CHODL: variants seen among roughly 807,000 people sequenced by gnomAD.
The protein encoded by CHODL is transmembrane protein MT75.
A neutral mutation model predicts 34.5 loss-of-function variants in CHODL; 29 were observed. That is an observed-to-expected ratio of 0.84 (90% CI 0.63 to 1.15). The LOEUF (loss-of-function observed/expected upper bound fraction) is 1.15. Among genes scored for constraint, CHODL ranks in the 50% most tolerant of loss-of-function variants. The pLI, the probability that CHODL is intolerant of heterozygous loss-of-function variation, is 0.00. For missense variants in CHODL, 332 were observed against 332.5 expected, an observed-to-expected ratio of 1.00 and a Z score of 0.01; for synonymous variants, 125 against 116.1, an observed-to-expected ratio of 1.08 and a Z score of -0.49.
intron 2 of CHODL, among the ~76,000 whole-genome samples, chr21:18,115,334 T>G (rs553120190): frequency 2.0e-5 from 3 of 152,306 alleles, no homozygotes; most frequent in African/African-American, 7.2e-5. Flanking sequence ...GCTGCTTATT[T>G]TTGCAATGTT....
intron 1 of CHODL, among the ~76,000 whole-genome samples, chr21:17,957,160 C>A (rs1214346603): frequency 6.6e-6 from 1 of 152,152 alleles, no homozygotes; most frequent in African/African-American, 2.4e-5. Flanking sequence ...TCTAATCAAT[C>A]ATTATGCTTT....
At chr21:18,038,169 A>G (rs1277189878) in intron 2 of CHODL, among the ~76,000 whole-genome samples, 9 of 151,718 alleles carry the variant, frequency 5.9e-5, no homozygotes, top group Admixed American at 5.3e-4. Context: ...TAAATGTCAT[A>G]ATGAAATGAC....
chr21:18,225,795 A>G (rs1429008853), intron 2 of CHODL, among the ~76,000 whole-genome samples: 1 of 152,152 alleles, frequency 6.6e-6, no homozygotes, highest in Non-Finnish European at 1.5e-5. Flanking sequence ...GGAACAAGGT[A>G]GAAACCAGAC....
chr21:17,983,217 A>G (rs1261592516), intron 1 of CHODL, among the ~76,000 whole-genome samples: 2 of 152,196 alleles, frequency 1.3e-5, no homozygotes, highest in Non-Finnish European at 2.9e-5. Flanking sequence ...TAAAATCAAT[A>G]TTAAATTTAG....
intron 2 of CHODL, among the ~76,000 whole-genome samples, chr21:18,220,635 C>G (rs1157852057): frequency 2.0e-5 from 3 of 151,436 alleles, no homozygotes; most frequent in Non-Finnish European, 4.4e-5. Flanking sequence ...TCATGGAAAA[C>G]TTTATTTCTC....
At chr21:17,935,883 G>A (rs2063315047) in intron 1 of CHODL, among the ~76,000 whole-genome samples, 1 of 152,162 alleles carries the variant, frequency 6.6e-6, no homozygotes, top group Admixed American at 6.6e-5. Context: ...AGACAGGAGT[G>A]CATACACTAT....
intron 2 of CHODL, among the ~76,000 whole-genome samples, chr21:18,081,741 G>A (rs2064945021): frequency 6.6e-6 from 1 of 151,510 alleles, no homozygotes; most frequent in Non-Finnish European, 1.5e-5. Context: ...CCAGTTCTTA[G>A]AGGGAATGCT....
At chr21:18,144,089 T>G (rs1161254615) in intron 2 of CHODL, among the ~76,000 whole-genome samples, 1 of 152,094 alleles carries the variant, frequency 6.6e-6, no homozygotes, top group Non-Finnish European at 1.5e-5. Flanking sequence ...ATTTCTTGTA[T>G]TCGGTCAATA....
chr21:18,164,946 A>G (rs1252916781), intron 2 of CHODL, among the ~76,000 whole-genome samples: 4 of 152,144 alleles, frequency 2.6e-5, no homozygotes, highest in African/African-American at 7.2e-5. Context: ...CCTCTGATAT[A>G]TATCTTGAAT....
chr21:18,045,616 A>C (rs1032347908), intron 2 of CHODL, among the ~76,000 whole-genome samples: 3 of 151,934 alleles, frequency 2.0e-5, no homozygotes, highest in South Asian at 2.1e-4. Flanking sequence ...GAGAGAATAC[A>C]TTTTTGATGT....
At chr21:18,049,121 A>T (rs1451200506) in intron 2 of CHODL, among the ~76,000 whole-genome samples, 1 of 151,680 alleles carries the variant, frequency 6.6e-6, no homozygotes, top group Non-Finnish European at 1.5e-5. Context: ...ATATAAACAG[A>T]CACAGTGTTT....
At chr21:18,245,675 G>A (rs1440851105) in intron 1 of CHODL, among the ~76,000 whole-genome samples, 1 of 152,122 alleles carries the variant, frequency 6.6e-6, no homozygotes, top group Non-Finnish European at 1.5e-5. Flanking sequence ...CCCAGAGACA[G>A]AAGAGCCACC....
At chr21:18,197,000 A>G (rs1401591928) in intron 2 of CHODL, among the ~76,000 whole-genome samples, 1 of 152,174 alleles carries the variant, frequency 6.6e-6, no homozygotes, top group Non-Finnish European at 1.5e-5. Context: ...ACACACAAGC[A>G]CACACACAAA....
chr21:17,967,288 C>T lies in CHODL; in HGVS notation c.-145+49888C>T, dbSNP rs576062825. Among the ~76,000 whole-genome samples, 3 of 152,242 alleles carry T rather than the reference C, an allele frequency of 2.0e-5. No homozygotes were observed. In the South Asian group the frequency reaches 6.2e-4, roughly 32 times the overall value. ...TATGTCAAAAAATTGGACTTGGACA[C>T]TACTAGTATGCTACACTTGTTGATG... On this transcript the variant is annotated intron_variant, in intron 1 of 6. Coordinates refer to the CHODL transcript ENST00000400127.
intron 1 of CHODL, among the ~76,000 whole-genome samples, chr21:18,020,469 C>A (rs1202715813): frequency 1.3e-5 from 2 of 152,130 alleles, no homozygotes; most frequent in East Asian, 3.9e-4. Flanking sequence ...TAATTGCTAT[C>A]CATCATTTAC....
At chr21:17,936,478 A>G (rs1010371423) in intron 1 of CHODL, among the ~76,000 whole-genome samples, 2 of 151,356 alleles carry the variant, frequency 1.3e-5, no homozygotes, top group African/African-American at 2.4e-5. Context: ...AAAAAAAAAA[A>G]GAATCATCAG....
chr21:18,009,901 T>G (rs866639206), intron 1 of CHODL, among the ~76,000 whole-genome samples: 2 of 101,052 alleles, frequency 2.0e-5, no homozygotes, highest in African/African-American at 4.7e-5. Context: ...AAAAAAAAAA[T>G]AACATTTGGG....
At chr21:17,917,686 C>A (rs1224654857) in intron 1 of CHODL, among the ~76,000 whole-genome samples, 2 of 152,068 alleles carry the variant, frequency 1.3e-5, no homozygotes. Flanking sequence ...CTTCTATTGG[C>A]CAAACCCAAC....
chr21:18,125,155 T>C (rs531495123), intron 2 of CHODL, among the ~76,000 whole-genome samples: 1 of 152,196 alleles, frequency 6.6e-6, no homozygotes, highest in Non-Finnish European at 1.5e-5. Context: ...TCTTTTATGA[T>C]AAACAAAAAG....
Sources: allele counts gnomAD v4.1 joint callset (sites outside exome capture counted in the v4.1 genomes callset), GRCh38; gene constraint gnomAD v4.1.1; transcripts MANE v1.5; gene names NCBI Gene and HGNC (gene_info 2026-07-23, HGNC 2026-07-21).